PGR: variants seen among roughly 807,000 people sequenced by gnomAD.
PGR encodes the protein nuclear receptor subfamily 3 group C member 3.
In PGR, 25 loss-of-function variants were observed where a neutral mutation model predicts 76.1. The ratio of observed to expected loss-of-function variants is 0.33; its 90% CI spans 0.24 to 0.46. The LOEUF (loss-of-function observed/expected upper bound fraction) is 0.46, where lower values mean the gene tolerates loss of function less well. Ranked by LOEUF, PGR falls within the 20% of genes least tolerant of loss-of-function variation. The pLI is 1.00. For missense variants in PGR, 1,172 were observed against 1,225.3 expected (o/e 0.96, Z 0.65); for synonymous variants, 579 against 535.0 (o/e 1.08, Z -1.14).
chr11:101,094,803 A>G (rs1861786031), intron 2 of PGR, among the ~76,000 whole-genome samples: 1 of 152,154 alleles, frequency 6.6e-6, no homozygotes, highest in South Asian at 2.1e-4. Flanking sequence ...TGTCCCCTTC[A>G]AAATTCATAT....
intron 4 of PGR, among the ~76,000 whole-genome samples, chr11:101,058,389 C>A (rs556504542): frequency 6.6e-6 from 1 of 152,142 alleles, no homozygotes; most frequent in East Asian, 1.9e-4. Flanking sequence ...TCTTCTGATT[C>A]GGGAAGGAAG....
chr11:101,094,853 G>A (rs2135461284), intron 2 of PGR, among the ~76,000 whole-genome samples: 1 of 152,216 alleles, frequency 6.6e-6, no homozygotes, highest in African/African-American at 2.4e-5. Flanking sequence ...AAGAGGTGGG[G>A]TCTCTGCCTC....
chr11:101,067,682 A>G (rs1351536751), intron 3 of PGR, among the ~76,000 whole-genome samples: 1 of 152,200 alleles, frequency 6.6e-6, no homozygotes. Context: ...CTGTAGGTAA[A>G]GCACAGCAAA....
intron 2 of PGR, among the ~76,000 whole-genome samples, chr11:101,106,398 T>C (rs1387795277): frequency 6.6e-6 from 1 of 152,082 alleles, no homozygotes; most frequent in Non-Finnish European, 1.5e-5. Flanking sequence ...CCTCATAAAT[T>C]GGGCAAAGGA....
At chr11:101,040,487 C>T (rs1859660730) in intron 7 of PGR, among the ~76,000 whole-genome samples, 1 of 152,088 alleles carries the variant, frequency 6.6e-6, no homozygotes, top group Non-Finnish European at 1.5e-5. Context: ...AAAATACTTT[C>T]ATGCTGCCAT....
At chr11:101,099,760 T>G (rs1861940753) in intron 2 of PGR, among the ~76,000 whole-genome samples, 1 of 151,280 alleles carries the variant, frequency 6.6e-6, no homozygotes, top group African/African-American at 2.4e-5. Context: ...CACCAAAGTA[T>G]CCCACTAGAG....
intron 3 of PGR, among the ~76,000 whole-genome samples, chr11:101,071,576 T>C (rs1461433103): frequency 6.6e-6 from 1 of 151,794 alleles, no homozygotes; most frequent in East Asian, 2.0e-4. Context: ...GCTAAGAACC[T>C]TGAAAAAAGG....
chr11:101,033,789 T>G lies in PGR; in HGVS notation c.*5327A>C, dbSNP rs1253920621. The G allele has an allele frequency of 4.8e-6, 1 of 207,318 alleles. No homozygotes were observed. The highest frequency in any genetic ancestry group is 5.9e-5 in the Admixed American group (1 of 16,868). 12.8% of individuals were successfully genotyped at this position (207,318 alleles called of 1,614,324 possible). Reference sequence around the variant, plus strand: ...CAGTAAAAATGCAGATTAGTAAACGTCATAGACAAAGAGATCAGAAACTTA... The same window carrying G: ...CAGTAAAAATGCAGATTAGTAAACGGCATAGACAAAGAGATCAGAAACTTA... On this transcript the variant is annotated 3_prime_UTR_variant, in exon 8 of 8. Transcript: ENST00000325455.
intron 2 of PGR, among the ~76,000 whole-genome samples, chr11:101,093,158 T>A (rs1861724735): frequency 6.6e-6 from 1 of 152,206 alleles, no homozygotes; most frequent in African/African-American, 2.4e-5. Context: ...ACTCACATAG[T>A]GTTCATCTCT....
intron 3 of PGR, among the ~76,000 whole-genome samples, chr11:101,084,988 G>A (rs522819): frequency 0.24 from 37,232 of 152,100 alleles, 5,685 homozygotes; most frequent in Non-Finnish European, 0.35. Flanking sequence ...GACCTAGAAA[G>A]CCACACAACA....
At chr11:101,107,414 C>T (rs1862200071) in intron 2 of PGR, among the ~76,000 whole-genome samples, 1 of 152,042 alleles carries the variant, frequency 6.6e-6, no homozygotes, top group South Asian at 2.1e-4. Flanking sequence ...ACTTATAAAA[C>T]GTGAAATTGT....
At chr11:101,057,691 A>C (rs1356153237) in intron 4 of PGR, among the ~76,000 whole-genome samples, 2 of 152,142 alleles carry the variant, frequency 1.3e-5, no homozygotes, top group African/African-American at 4.8e-5. Context: ...ATATTTAATA[A>C]GTGGAGTTGA....
chr11:101,123,825 C>A (rs1862754975), intron 2 of PGR, among the ~76,000 whole-genome samples: 1 of 152,148 alleles, frequency 6.6e-6, no homozygotes, highest in Non-Finnish European at 1.5e-5. Flanking sequence ...TACTGAGAAT[C>A]TTTATTTAGA....
In PGR at chr11:101,038,585, T is replaced by C. The variant is rs11224564; in HGVS notation, c.*531A>G. 2.9e-3 allele frequency: 663 copies of C among 230,444 alleles called. 3 individuals carry two copies. The highest frequency in any genetic ancestry group is 0.014 in the African/African-American group (622 of 45,282). 14.3% of individuals were successfully genotyped at this position (230,444 alleles called of 1,614,324 possible). A position where few individuals can be genotyped will look rare whatever the true frequency, so the allele number is the denominator to read the frequency against. On this transcript the variant is annotated 3_prime_UTR_variant, in exon 8 of 8. Transcript: ENST00000325455. Reference sequence around the variant, plus strand: ...TCTATTTTAGTGGTTTTAAACTCTTTCTACATTTTTTGCATTAAAAATACT... The same window carrying C: ...TCTATTTTAGTGGTTTTAAACTCTTCCTACATTTTTTGCATTAAAAATACT...
intron 3 of PGR, among the ~76,000 whole-genome samples, chr11:101,076,620 T>C (rs140802689): frequency 6.6e-6 from 1 of 152,008 alleles, no homozygotes; most frequent in East Asian, 1.9e-4. Flanking sequence ...ATCTGGATGA[T>C]GATACTATGA....
intron 2 of PGR, among the ~76,000 whole-genome samples, chr11:101,098,416 G>A (rs491893): frequency 0.71 from 108,473 of 151,974 alleles, 40,375 homozygotes; most frequent in Non-Finnish European, 0.83. Context: ...TATATGTTCA[G>A]TAGTTTAAGG....
intron 2 of PGR, among the ~76,000 whole-genome samples, chr11:101,099,258 C>A (rs779855531): frequency 6.6e-6 from 1 of 152,134 alleles, no homozygotes; most frequent in Non-Finnish European, 1.5e-5. Flanking sequence ...TAGCTCCATG[C>A]AAAATGTGGA....
intron 3 of PGR, among the ~76,000 whole-genome samples, chr11:101,064,343 A>C (rs946408840): frequency 2.2e-5 from 3 of 135,328 alleles, no homozygotes; most frequent in Non-Finnish European, 4.6e-5. Context: ...AAAAAAAAAA[A>C]AAAAAAAAAA....
At chr11:101,089,042 G>C (rs1261659011) in intron 3 of PGR, among the ~76,000 whole-genome samples, 1 of 152,182 alleles carries the variant, frequency 6.6e-6, no homozygotes, top group Non-Finnish European at 1.5e-5. Flanking sequence ...GGAAGAAGAA[G>C]AAAGGGTTGA....
Sources: allele counts gnomAD v4.1 joint callset (sites outside exome capture counted in the v4.1 genomes callset), GRCh38; gene constraint gnomAD v4.1.1; transcripts MANE v1.5; gene names NCBI Gene and HGNC (gene_info 2026-07-23, HGNC 2026-07-21).